Variants in TOX observed in about 807,000 individuals in gnomAD.
The protein encoded by TOX is thymocyte selection associated high mobility group box.
A neutral mutation model predicts 53.7 loss-of-function variants in TOX; 11 were observed. The ratio of observed to expected loss-of-function variants is 0.20; its 90% confidence interval spans 0.13 to 0.34. The LOEUF (loss-of-function observed/expected upper bound fraction) is 0.34. Ranked by LOEUF, TOX falls within the 10% of genes least tolerant of loss-of-function variation. The pLI is 1.00. For missense variants in TOX, 570 were observed against 664.6 expected (o/e 0.86, Z 1.56); for synonymous variants, 225 against 245.3 (o/e 0.92, Z 0.77).
At chr8:59,019,548 A>C (rs1814081736) in intron 1 of TOX, among the ~76,000 whole-genome samples, 1 of 152,210 alleles carries the variant, frequency 6.6e-6, no homozygotes, top group Non-Finnish European at 1.5e-5. Flanking sequence ...GAGAACACAA[A>C]AATGATTGCC....
At chr8:58,911,809 T>G (rs935971946) in intron 3 of TOX, among the ~76,000 whole-genome samples, 1 of 152,188 alleles carries the variant, frequency 6.6e-6, no homozygotes, top group Non-Finnish European at 1.5e-5. Context: ...GTTCCAGTGA[T>G]TCTCTGCCTC....
At chr8:58,859,465 T>A (rs969718188) in intron 3 of TOX, among the ~76,000 whole-genome samples, 1 of 152,220 alleles carries the variant, frequency 6.6e-6, no homozygotes, top group South Asian at 2.1e-4. Context: ...CAAGTAGGGT[T>A]CAGCTTTCTT....
intron 1 of TOX, among the ~76,000 whole-genome samples, chr8:59,106,148 C>T (rs1335429336): frequency 2.6e-5 from 4 of 152,102 alleles, no homozygotes; most frequent in Admixed American, 6.5e-5. Flanking sequence ...AATTCAGAAA[C>T]AACTGTATGA....
chr8:58,951,458 C>T (rs1004527797), intron 2 of TOX, among the ~76,000 whole-genome samples: 11 of 152,046 alleles, frequency 7.2e-5, no homozygotes, highest in African/African-American at 2.7e-4. Context: ...CAAGAAGTTT[C>T]ATTGAGGTCA....
At position 59,025,905 on chromosome 8, in the gene TOX, C is replaced by T. The variant is rs184757537; in HGVS notation, c.103-65897G>A. ...ACTCTGATTCTACCTCCAGAACTAA[C>T]GGAGTTCCAGTCTTGGAGTCAGTAC... is the stretch of plus-strand genomic sequence containing the variant. On this transcript the variant is annotated intron_variant, in intron 1 of 8. Coordinates refer to ENST00000361421, the MANE Select transcript of TOX (RefSeq NM_014729.3). 2.1e-4 allele frequency among the ~76,000 whole-genome samples: 32 copies of T among 152,232 alleles called. No homozygotes were observed. The East Asian group carries it at 5.8e-3, about 28-fold the overall frequency.
intron 1 of TOX, among the ~76,000 whole-genome samples, chr8:59,109,958 C>A (rs745481342): frequency 3.9e-5 from 6 of 152,114 alleles, no homozygotes; most frequent in Non-Finnish European, 7.4e-5. Flanking sequence ...AACTAGAAAA[C>A]CTGCTTTGGG....
chr8:58,905,870 A>G (rs1382182439), intron 3 of TOX, among the ~76,000 whole-genome samples: 1 of 152,190 alleles, frequency 6.6e-6, no homozygotes, highest in Non-Finnish European at 1.5e-5. Flanking sequence ...TCGGCGATGC[A>G]TTGTCACAAT....
intron 1 of TOX, among the ~76,000 whole-genome samples, chr8:59,109,203 T>C (rs2129424859): frequency 6.6e-6 from 1 of 152,276 alleles, no homozygotes; most frequent in South Asian, 2.1e-4. Context: ...CTGAAAATAT[T>C]CTCATTTTGG....
intron 5 of TOX, among the ~76,000 whole-genome samples, chr8:58,830,682 C>T (rs1810438950): frequency 6.6e-6 from 1 of 152,036 alleles, no homozygotes; most frequent in African/African-American, 2.4e-5. Flanking sequence ...TCTGCTCTGG[C>T]CCTTAGTTAA....
At chr8:58,883,089 T>C (rs1400972737) in intron 3 of TOX, among the ~76,000 whole-genome samples, 1 of 152,214 alleles carries the variant, frequency 6.6e-6, no homozygotes, top group East Asian at 1.9e-4. Context: ...TGTGTCCTAA[T>C]CACTTTCTCA....
intron 3 of TOX, among the ~76,000 whole-genome samples, chr8:58,853,548 GACCAAA>G (rs1462526646): frequency 6.6e-6 from 1 of 152,122 alleles, no homozygotes; most frequent in African/African-American, 2.4e-5. Flanking sequence ...CAAATGACTT[GACCAAA>G]ACCAAAGATA....
chr8:59,093,554 T>A (rs942741065), intron 1 of TOX, among the ~76,000 whole-genome samples: 1 of 152,246 alleles, frequency 6.6e-6, no homozygotes, highest in Admixed American at 6.5e-5. Context: ...GGTAAAATAA[T>A]TAAATATTTA....
intron 1 of TOX, among the ~76,000 whole-genome samples, chr8:59,023,761 G>C (rs1304034050): frequency 2.0e-5 from 3 of 152,160 alleles, no homozygotes; most frequent in African/African-American, 7.2e-5. Flanking sequence ...CTCCAACACA[G>C]AGTGTTGTGC....
intron 1 of TOX, among the ~76,000 whole-genome samples, chr8:58,996,112 T>C (rs1178694394): frequency 6.6e-6 from 1 of 152,220 alleles, no homozygotes; most frequent in African/African-American, 2.4e-5. Context: ...ACTCTCTTTT[T>C]AGTCCTGGAG....
intron 1 of TOX, among the ~76,000 whole-genome samples, chr8:59,029,678 T>C (rs775631601): frequency 2.0e-5 from 3 of 152,170 alleles, no homozygotes; most frequent in Non-Finnish European, 4.4e-5. Flanking sequence ...TTAGTACCTT[T>C]GTTTGCATTG....
At chr8:58,859,186 T>C (rs1810965711) in intron 3 of TOX, among the ~76,000 whole-genome samples, 1 of 152,222 alleles carries the variant, frequency 6.6e-6, no homozygotes, top group Non-Finnish European at 1.5e-5. Context: ...TTTTTGCTAT[T>C]AGACTTCAAT....
chr8:58,915,173 G>C (rs1811989421), intron 3 of TOX, among the ~76,000 whole-genome samples: 1 of 151,726 alleles, frequency 6.6e-6, no homozygotes, highest in African/African-American at 2.4e-5. Flanking sequence ...AAAGCAGCGG[G>C]GAAGCTCCAA....
intron 1 of TOX, among the ~76,000 whole-genome samples, chr8:59,005,016 T>C (rs886557367): frequency 6.7e-6 from 1 of 149,294 alleles, no homozygotes. Context: ...ATTTATTTTA[T>C]GTAATTTAAA....
At chr8:58,892,044 A>G (rs1585884044) in intron 3 of TOX, among the ~76,000 whole-genome samples, 1 of 150,708 alleles carries the variant, frequency 6.6e-6, no homozygotes, top group Non-Finnish European at 1.5e-5. Flanking sequence ...TGTGAGAGGG[A>G]AAAAAAAACT....
Sources: gnomAD v4.1 joint callset for allele counts (sites outside exome capture counted in the v4.1 genomes callset) on GRCh38, gnomAD v4.1.1 for gene constraint, MANE v1.5 for transcripts, NCBI Gene and HGNC (gene_info 2026-07-23, HGNC 2026-07-21) for gene names.